TENT2: variants seen among roughly 807,000 people sequenced by gnomAD.
TENT2 encodes poly(A) RNA polymerase GLD2.
A neutral mutation model predicts 72.2 loss-of-function variants in TENT2; 44 were observed. The observed-to-expected ratio is 0.61, with a 90% confidence interval of 0.48 to 0.78. TENT2 has a LOEUF of 0.78. Among genes scored for constraint, TENT2 ranks in the 30% least tolerant of loss-of-function variants. TENT2 has a pLI of 0.00. For synonymous variants in TENT2, 212 were observed against 192.5 expected (o/e 1.10, Z -0.84); for missense variants, 541 against 569.6 (o/e 0.95, Z 0.51).
chr5:79,674,164 A>G (rs1440817348), intron 12 of TENT2, among the ~76,000 whole-genome samples: 1 of 152,164 alleles, frequency 6.6e-6, no homozygotes, highest in African/African-American at 2.4e-5. Context: ...CAGGCAGATC[A>G]TGAGGTCAGG....
At chr5:79,631,056 A>C (rs1775058354) in intron 4 of TENT2, among the ~76,000 whole-genome samples, 1 of 152,166 alleles carries the variant, frequency 6.6e-6, no homozygotes, top group African/African-American at 2.4e-5. Context: ...ATATTAGATT[A>C]CAGTGTCTAA....
rs143475146 is a variant in TENT2, at chr5:79,632,730, A to G, written c.466-8121A>G. Among the ~76,000 whole-genome samples, 662 of 152,298 alleles carry G rather than the reference A, an allele frequency of 4.3e-3. 6 individuals carry two copies. The highest frequency in any genetic ancestry group is 0.014 in the African/African-American group (578 of 41,566). ...ATCCTTGGAAGAACAGTTTGGGGAT[A>G]GTTATCTTACAGATCTCTAAAGGAC... On this transcript the variant is annotated intron_variant, in intron 4 of 14. Transcript: ENST00000453514.
Position 79,668,896 on chromosome 5 carries a change from CTT to C in TENT2, c.1079_1080del (p.Phe360Ter). 6.2e-7 allele frequency: 1 copy of C among 1,606,822 alleles called. No individual in the cohort carries two copies. Among genetic ancestry groups the C allele is most frequent in the Non-Finnish European group, 8.5e-7 (1 of 1,176,140 alleles). On this transcript the variant is annotated frameshift_variant, in exon 12 of 15. Coordinates refer to ENST00000453514, the MANE Select transcript of TENT2 (RefSeq NM_001114394.3). LOFTEE classifies it high-confidence loss of function. Reference sequence around the variant, plus strand: ...TCCCCTTCTTCTTTTTGACAGGAGTCTTTTAGTCCTGCTATACAGCTGCACCT... The same window carrying C: ...TCCCCTTCTTCTTTTTGACAGGAGTCTTAGTCCTGCTATACAGCTGCACCT...
chr5:79,640,336 G>A (rs887232161), intron 4 of TENT2, among the ~76,000 whole-genome samples: 14 of 151,956 alleles, frequency 9.2e-5, no homozygotes, highest in African/African-American at 3.1e-4. Flanking sequence ...GGGATGGAGG[G>A]TGGTTTGCAT....
chr5:79,651,956 G>A (rs1015921559), intron 10 of TENT2, among the ~76,000 whole-genome samples: 1 of 152,056 alleles, frequency 6.6e-6, no homozygotes, highest in Non-Finnish European at 1.5e-5. Context: ...ACTTGAACAT[G>A]TATTACAGAT....
intron 6 of TENT2, among the ~76,000 whole-genome samples, chr5:79,642,030 T>C (rs1427382693): frequency 6.6e-6 from 1 of 152,016 alleles, no homozygotes; most frequent in African/African-American, 2.4e-5. Context: ...GTAATTGGTA[T>C]TCATTAAGCT....
At chr5:79,661,975 A>G (rs1803312139) in intron 11 of TENT2, among the ~76,000 whole-genome samples, 1 of 152,218 alleles carries the variant, frequency 6.6e-6, no homozygotes, top group Non-Finnish European at 1.5e-5. Context: ...TTATACACTT[A>G]GAAATATTAT....
intron 14 of TENT2, among the ~76,000 whole-genome samples, chr5:79,683,678 G>T (rs895822134): frequency 6.6e-6 from 1 of 151,904 alleles, no homozygotes; most frequent in Non-Finnish European, 1.5e-5. Context: ...CACTTTGGGA[G>T]GCCGAGGCGG....
chr5:79,659,718 T>C lies in TENT2; in HGVS notation c.1071+2717T>C, dbSNP rs568346472. The stretch of plus-strand genomic sequence containing the variant: ...ATTCCTCTTTCACTAATGAAGAAAC[T>C]GTTTTAGAAATGTTACATGATTGAT... On this transcript the variant is annotated intron_variant, in intron 11 of 14. Coordinates refer to ENST00000453514, the MANE Select transcript of TENT2 (RefSeq NM_001114394.3). Among the ~76,000 whole-genome samples, 58 of 151,266 alleles carry C rather than the reference T, an allele frequency of 3.8e-4. 1 individual carries two copies. The South Asian group carries it at 0.012, about 31-fold the overall frequency.
chr5:79,666,448 A>C (rs1277801042), intron 11 of TENT2, among the ~76,000 whole-genome samples: 1 of 151,300 alleles, frequency 6.6e-6, no homozygotes, highest in African/African-American at 2.4e-5. Flanking sequence ...TCCTGGGCTC[A>C]GCTGCTTCTC....
intron 4 of TENT2, among the ~76,000 whole-genome samples, chr5:79,631,076 A>G (rs986955673): frequency 3.9e-5 from 6 of 152,172 alleles, no homozygotes; most frequent in South Asian, 2.1e-4. Flanking sequence ...AGCCTCTACA[A>G]TATCGACATT....
In TENT2 at chr5:79,633,950, G is replaced by A. The variant is rs1372853688; in HGVS notation, c.466-6901G>A. 2.5e-4 allele frequency among the ~76,000 whole-genome samples: 35 copies of A among 142,768 alleles called. No homozygotes were observed. In the East Asian group the frequency reaches 6.6e-3, roughly 27 times the overall value. 93.7% of individuals were successfully genotyped at this position (142,768 alleles called of 152,430 possible). On this transcript the variant is annotated intron_variant, in intron 4 of 14. Coordinates refer to ENST00000453514, the MANE Select transcript of TENT2 (RefSeq NM_001114394.3). ...GGGCAGATCACGAGGTCAGGAGATC[G>A]AGACCATCCTGGCTAACATGGTGAA...
intron 4 of TENT2, among the ~76,000 whole-genome samples, chr5:79,627,260 A>C (rs1279315472): frequency 6.6e-6 from 1 of 152,162 alleles, no homozygotes; most frequent in Non-Finnish European, 1.5e-5. Context: ...TGTGATAGTT[A>C]ACTGTTAGAA....
chr5:79,669,064 A>ATGTG lies in TENT2; in HGVS notation c.1208+48_1208+51dup, dbSNP rs36079132. On this transcript the variant is annotated intron_variant, in intron 12 of 14. Transcript: ENST00000453514. Reference sequence around the variant, plus strand: ...CTTTAAATTGTGTTTGTTCACTTATATGTGTGTGTGTGTGTATGTATGTAT... The same window carrying ATGTG: ...CTTTAAATTGTGTTTGTTCACTTATATGTGTGTGTGTGTGTGTGTATGTATGTAT... 1.6e-4 allele frequency: 247 copies of ATGTG among 1,591,348 alleles called. 1 individual carries two copies. The Middle Eastern group carries it at 2.7e-3, about 17-fold the overall frequency.
chr5:79,680,573 G>A (rs115038353), intron 13 of TENT2, among the ~76,000 whole-genome samples: 2,768 of 152,230 alleles, frequency 0.018, 96 homozygotes, highest in African/African-American at 0.062. Context: ...TTATGGGCCT[G>A]TGTAGATTAT....
chr5:79,679,260 C>G (rs1019818239), intron 12 of TENT2, among the ~76,000 whole-genome samples: 2 of 151,914 alleles, frequency 1.3e-5, no homozygotes, highest in African/African-American at 2.4e-5. Context: ...TGTTGAAAAC[C>G]TGGTATGTAC....
At chr5:79,614,256 C>T (rs1031352517) in intron 1 of TENT2, among the ~76,000 whole-genome samples, 2 of 151,948 alleles carry the variant, frequency 1.3e-5, no homozygotes, top group African/African-American at 4.8e-5. Flanking sequence ...GCACGTGCCA[C>T]TATGCTTGGC....
chr5:79,623,623 C>G, intron 4 of TENT2, 134 bp downstream of exon 4: 1 of 509,820 alleles, frequency 2.0e-6, no homozygotes. Context: ...ACTATTCAGC[C>G]TAATTTTCTG....
chr5:79,643,032 T>C (rs1487342013), intron 7 of TENT2, 122 bp downstream of exon 7: 6 of 1,221,462 alleles, frequency 4.9e-6, no homozygotes, highest in Non-Finnish European at 6.3e-6. Flanking sequence ...ATGAATTCTT[T>C]TTTCCAAATG....
Sources: gnomAD v4.1 joint callset for allele counts (sites outside exome capture counted in the v4.1 genomes callset) on GRCh38, gnomAD v4.1.1 for gene constraint, MANE v1.5 for transcripts, NCBI Gene and HGNC (gene_info 2026-07-23, HGNC 2026-07-21) for gene names.